Variants in COL23A1 observed in about 807,000 individuals in gnomAD.
The protein encoded by COL23A1 is collagen type XXIII alpha 1 chain.
A neutral mutation model predicts 99.3 loss-of-function variants in COL23A1; 97 were observed. The observed-to-expected ratio is 0.98, with a 90% CI of 0.83 to 1.16. The LOEUF is 1.16. COL23A1 is among the 50% of genes most tolerant of loss of function. COL23A1 has a pLI of 0.00. For synonymous variants in COL23A1, 320 were observed against 308.2 expected (o/e 1.04, Z -0.40); for missense variants, 762 against 757.4 (o/e 1.01, Z -0.07).
At chr5:178,400,946 A>C (rs899493641) in intron 2 of COL23A1, among the ~76,000 whole-genome samples, 1 of 152,178 alleles carries the variant, frequency 6.6e-6, no homozygotes, top group African/African-American at 2.4e-5. Flanking sequence ...CTATCTCCAG[A>C]ACTTTTAAAT....
At chr5:178,300,721 G>GTTTGTATT (rs1757987548) in intron 3 of COL23A1, among the ~76,000 whole-genome samples, 1 of 145,738 alleles carries the variant, frequency 6.9e-6, no homozygotes, top group Admixed American at 6.8e-5. Flanking sequence ...GCTAGCTTTT[G>GTTTGTATT]TATTTATTTA....
At chr5:178,247,958 G>T in intron 20 of COL23A1, 127 bp from the exon 21 acceptor site, 1 of 853,556 alleles carries the variant, frequency 1.2e-6, no homozygotes, top group Non-Finnish European at 1.8e-6. Context: ...AGTCTGGTGA[G>T]CAGGTGGCAG....
intron 2 of COL23A1, among the ~76,000 whole-genome samples, chr5:178,359,664 T>TC (rs1762072847): frequency 6.6e-6 from 1 of 152,226 alleles, no homozygotes; most frequent in South Asian, 2.1e-4. Context: ...TACATTTCTC[T>TC]CCTGCTGCAC....
intron 2 of COL23A1, among the ~76,000 whole-genome samples, chr5:178,556,342 G>A (rs1356505149): frequency 6.6e-6 from 1 of 152,206 alleles, no homozygotes; most frequent in South Asian, 2.1e-4. Flanking sequence ...GTTGAAATGG[G>A]CCAGGCATGG....
intron 3 of COL23A1, among the ~76,000 whole-genome samples, chr5:178,301,825 T>G (rs1758049092): frequency 7.6e-6 from 1 of 131,942 alleles, no homozygotes. Context: ...GCTTCAATGC[T>G]GCACCTGTGT....
At chr5:178,358,611 G>A (rs1217068915) in intron 2 of COL23A1, among the ~76,000 whole-genome samples, 2 of 144,822 alleles carry the variant, frequency 1.4e-5, no homozygotes, top group Non-Finnish European at 3.0e-5. Context: ...GTGTGTATGC[G>A]TGTATGTATG....
At position 178,552,706 on chromosome 5, in the gene COL23A1, T is replaced by TA. The variant is rs60501006; in HGVS notation, c.361+7975dup. Among the ~76,000 whole-genome samples the TA allele has an allele frequency of 1.3e-3, 180 of 136,072 alleles. 1 individual carries two copies. The highest frequency in any genetic ancestry group is 3.8e-3 in the Middle Eastern group (1 of 264). 89.3% of individuals were successfully genotyped at this position (136,072 alleles called of 152,430 possible). A position where few individuals can be genotyped will look rare whatever the true frequency, so the allele number is the denominator to read the frequency against. On this transcript the variant is annotated intron_variant, in intron 2 of 28. Coordinates refer to ENST00000390654, the MANE Select transcript of COL23A1 (RefSeq NM_173465.4). Reference sequence around the variant, plus strand: ...GAGCTCCTAACTCACCAAAAAAAATTAAAAAAAAAAAAAAAAAAATTTTTT... The same window carrying TA: ...GAGCTCCTAACTCACCAAAAAAAATTAAAAAAAAAAAAAAAAAAAATTTTTT...
In COL23A1 at chr5:178,307,035, G is replaced by C; in HGVS notation, c.362-116C>G. 7 of 650,836 alleles carry C rather than the reference G, an allele frequency of 1.1e-5. No individual in the cohort carries two copies. Among genetic ancestry groups the C allele is most frequent in the Non-Finnish European group, 1.7e-5 (7 of 408,424 alleles). 40.3% of individuals were successfully genotyped at this position (650,836 alleles called of 1,614,324 possible). Reference sequence around the variant, plus strand: ...CGCAACAGCTTTCTGGGAGTGGCCTGCCCGAGGGGGTCTGCTGGCTGTGGA... The same window carrying C: ...CGCAACAGCTTTCTGGGAGTGGCCTCCCCGAGGGGGTCTGCTGGCTGTGGA... On this transcript the variant is annotated intron_variant, in intron 2 of 28. Transcript: ENST00000390654. This position sits in a 1 kb window ranked among gnomAD's most constrained non-coding sequence, Gnocchi z 4.2.
In COL23A1 at chr5:178,267,349, AG is replaced by A. The variant is rs1248761913; in HGVS notation, c.496-17del. ...CTGGTGCACCCTGGGAACAAAAGACAGGGAGAGGCATCACCACTGCTTTCAT... is the reference window on the plus strand; with the variant it reads ...CTGGTGCACCCTGGGAACAAAAGACAGGAGAGGCATCACCACTGCTTTCAT... On this transcript the variant is annotated splice_polypyrimidine_tract_variant and intron_variant, in intron 7 of 28. Transcript: ENST00000390654. The A allele has an allele frequency of 6.2e-7, 1 of 1,613,334 alleles. No individual in the cohort carries two copies. Among genetic ancestry groups the A allele is most frequent in the African/African-American group, 1.3e-5 (1 of 74,932 alleles).
In COL23A1 at chr5:178,523,430, A is replaced by C. The variant is rs1293210105; in HGVS notation, c.361+37252T>G. On this transcript the variant is annotated intron_variant, in intron 2 of 28. Coordinates refer to ENST00000390654, the MANE Select transcript of COL23A1 (RefSeq NM_173465.4). ...CAACAAGAACGAAACTCTGTCTCAA[A>C]AAAAAAAAAAAAAAAAAAAGAAAAA... 2.8e-4 allele frequency: 6 copies of C among 21,482 alleles called. No individual in the cohort carries two copies. The East Asian group carries it at 0.07, about 250-fold the overall frequency. The allele number at this position is 21,482 out of a possible 1,614,324, so 1.3% of individuals were successfully genotyped here. A position where few individuals can be genotyped will look rare whatever the true frequency, so the allele number is the denominator to read the frequency against.
At chr5:178,400,673 T>C (rs952383155) in intron 2 of COL23A1, among the ~76,000 whole-genome samples, 3 of 149,966 alleles carry the variant, frequency 2.0e-5, no homozygotes, top group Non-Finnish European at 4.4e-5. Context: ...TGAGATGGAG[T>C]CTTGCTCTAT....
chr5:178,358,316 A>ATGTG (rs775565127), intron 2 of COL23A1, among the ~76,000 whole-genome samples: 54 of 131,522 alleles, frequency 4.1e-4, no homozygotes, highest in African/African-American at 1.7e-3. Context: ...ATGTGTGTGT[A>ATGTG]TGTGTATGTG....
Position 178,247,516 on chromosome 5 carries a change from G to T in COL23A1, c.1296+10C>A, listed in dbSNP as rs1158450482. The T allele has an allele frequency of 6.2e-7, 1 of 1,614,076 alleles. No individual in the cohort carries two copies. Among genetic ancestry groups the T allele is most frequent in the Non-Finnish European group, 8.5e-7 (1 of 1,179,920 alleles). ...GTCTGAGGCCAGTAGAGGGGTCTGT[G>T]CCCACTCACCTTGGGACCCTGGATT... On this transcript the variant is annotated intron_variant, in intron 22 of 28. Coordinates refer to ENST00000390654, the MANE Select transcript of COL23A1 (RefSeq NM_173465.4).
In COL23A1 at chr5:178,502,373, T is replaced by C. The variant is rs550840995; in HGVS notation, c.361+58309A>G. Among the ~76,000 whole-genome samples, 301 of 152,282 alleles carry C rather than the reference T, an allele frequency of 2.0e-3. 2 individuals carry two copies. Among genetic ancestry groups the C allele is most frequent in the African/African-American group, 3.6e-3 (148 of 41,566 alleles). The stretch of plus-strand genomic sequence containing the variant: ...GTCTCGATCTTCTGACCTTGTGATC[T>C]GCCCGCCTCGGCCTCCCAAAGTGCT... On this transcript the variant is annotated intron_variant, in intron 2 of 28. Transcript: ENST00000390654.
chr5:178,479,984 TG>T, intron 2 of COL23A1, among the ~76,000 whole-genome samples: 1 of 152,188 alleles, frequency 6.6e-6, no homozygotes, highest in Admixed American at 6.5e-5. Context: ...GTTACTGTGC[TG>T]AGTACCATAG....
intron 17 of COL23A1, among the ~76,000 whole-genome samples, chr5:178,251,767 C>T (rs1325181753): frequency 6.6e-6 from 1 of 152,218 alleles, no homozygotes; most frequent in East Asian, 1.9e-4. Flanking sequence ...ATAGCTGCTC[C>T]TCCCTTTTGG....
At chr5:178,243,584 GAC>G (rs1241290147) in intron 25 of COL23A1, among the ~76,000 whole-genome samples, 1 of 152,024 alleles carries the variant, frequency 6.6e-6, no homozygotes, top group Non-Finnish European at 1.5e-5. Context: ...GAGTGCTGAT[GAC>G]AGTCAATGCT....
chr5:178,237,848 C>A lies in COL23A1; in HGVS notation c.*850G>T, dbSNP rs981181817. The A allele has an allele frequency of 3.3e-5, 5 of 152,354 alleles. No individual in the cohort carries two copies. Among genetic ancestry groups the A allele is most frequent in the African/African-American group, 1.2e-4 (5 of 41,470 alleles). The allele number at this position is 152,354 out of a possible 1,614,324, so 9.4% of individuals were successfully genotyped here. A position where few individuals can be genotyped will look rare whatever the true frequency, so the allele number is the denominator to read the frequency against. ...TAGAGAGCCATTTTTGGCCAGAGTTCTGGGTGGGAGACTTGGGGCCAGTGA... is the reference window on the plus strand; with the variant it reads ...TAGAGAGCCATTTTTGGCCAGAGTTATGGGTGGGAGACTTGGGGCCAGTGA... On this transcript the variant is annotated 3_prime_UTR_variant, in exon 29 of 29. Coordinates refer to ENST00000390654, the MANE Select transcript of COL23A1 (RefSeq NM_173465.4).
rs1561940614 is a variant in COL23A1, at chr5:178,403,126, ATAAATAAAAAAT to A, written c.362-96219_362-96208del. Among the ~76,000 whole-genome samples, 190 of 117,146 alleles carry A rather than the reference ATAAATAAAAAAT, an allele frequency of 1.6e-3. 19 individuals are homozygous for A. Among genetic ancestry groups the A allele is most frequent in the African/African-American group, 5.6e-3 (173 of 30,768 alleles). The allele number at this position is 117,146 out of a possible 152,430, so 76.9% of individuals were successfully genotyped here. A position where few individuals can be genotyped will look rare whatever the true frequency, so the allele number is the denominator to read the frequency against. On this transcript the variant is annotated intron_variant, in intron 2 of 28. Coordinates refer to ENST00000390654, the MANE Select transcript of COL23A1 (RefSeq NM_173465.4). ...TCCATCTCAAAAAAAAAAAAAATAA[ATAAATAAAAAAT>A]AAATACCATTTACCGAAATCTTCTA...
Sources: gnomAD v4.1 joint callset for allele counts (sites outside exome capture counted in the v4.1 genomes callset) on GRCh38, gnomAD v4.1.1 for gene constraint, Gnocchi (gnomAD v3.1) non-coding constraint, MANE v1.5 for transcripts, NCBI Gene and HGNC (gene_info 2026-07-23, HGNC 2026-07-21) for gene names.